SLC39A11: variants seen among roughly 807,000 people sequenced by gnomAD.
SLC39A11 encodes zinc transporter ZIP11.
Under a neutral mutation model 36.1 loss-of-function variants are expected in SLC39A11, and 33 were observed. That is an observed-to-expected ratio of 0.91 (90% confidence interval 0.69 to 1.22). The LOEUF (loss-of-function observed/expected upper bound fraction) is 1.22. Among genes scored for constraint, SLC39A11 ranks in the 50% most tolerant of loss-of-function variants. The pLI is 0.00. For synonymous variants in SLC39A11, 166 were observed against 170.3 expected, an observed-to-expected ratio of 0.97 and a Z score of 0.20; for missense variants, 432 against 430.3, an observed-to-expected ratio of 1.00 and a Z score of -0.03.
chr17:72,968,762 C>T (rs961144644), intron 4 of SLC39A11, among the ~76,000 whole-genome samples: 8 of 152,208 alleles, frequency 5.3e-5, no homozygotes, highest in Non-Finnish European at 1.0e-4. Flanking sequence ...AAGAGCAAGA[C>T]ACGATCCTTC....
chr17:72,935,433 T>C lies in SLC39A11; in HGVS notation c.430+12319A>G, dbSNP rs181766797. ...GGCCAAGAGGCTGCTCAAGGGAATA[T>C]GGGGAGGTGATGGAACTCTCCTATG... On this transcript the variant is annotated intron_variant, in intron 5 of 9. Coordinates refer to ENST00000255559, the MANE Select transcript of SLC39A11 (RefSeq NM_139177.4). Among the ~76,000 whole-genome samples, 275 of 152,280 alleles carry C rather than the reference T, an allele frequency of 1.8e-3. 1 individual carries two copies. The highest frequency in any genetic ancestry group is 3.4e-3 in the Middle Eastern group (1 of 294).
Position 73,084,831 on chromosome 17 carries a change from C to T in SLC39A11, c.124G>A (p.Gly42Arg), listed in dbSNP as rs774390731. 77 of 1,614,064 alleles carry T rather than the reference C, an allele frequency of 4.8e-5. No homozygotes were observed. Among genetic ancestry groups the T allele is most frequent in the Non-Finnish European group, 6.3e-5 (74 of 1,180,034 alleles). The change falls in exon 3 of 10, where the codon GGA becomes AGA. Residue 42 changes from glycine (G) to arginine (R), a missense_variant. By Grantham distance (125) the Gly-to-Arg change is moderately radical (BLOSUM62 -2). Coordinates refer to ENST00000255559, the MANE Select transcript of SLC39A11 (RefSeq NM_139177.4). ...ACCCCTGCAGCAAAGCCAAGACTTC[C>T]ATCTAAGATCCGCCTCTGAAAATCA... ...FSSGQRRILD[G>R]SLGFAAGVML...
intron 3 of SLC39A11, among the ~76,000 whole-genome samples, chr17:73,040,375 A>G (rs984568787): frequency 2.6e-5 from 4 of 152,226 alleles, no homozygotes; most frequent in African/African-American, 7.2e-5. Context: ...AATAAAAGGT[A>G]CGCCTCCCTC....
At chr17:72,918,305 A>T (rs1179446088) in intron 5 of SLC39A11, among the ~76,000 whole-genome samples, 1 of 152,216 alleles carries the variant, frequency 6.6e-6, no homozygotes. Context: ...ACTACTCAGG[A>T]GTCTGAGGCA....
chr17:72,741,138 C>A lies in SLC39A11; in HGVS notation c.602-4419G>T, dbSNP rs573422292. The stretch of plus-strand genomic sequence containing the variant: ...TCACTGCAACAGCAACAGGAGGTGG[C>A]TACAAAATTGTTACAGTAGTACAGT... On this transcript the variant is annotated intron_variant, in intron 6 of 9. Coordinates refer to ENST00000255559, the MANE Select transcript of SLC39A11 (RefSeq NM_139177.4). Among the ~76,000 whole-genome samples the A allele has an allele frequency of 2.6e-5, 4 of 152,150 alleles. No homozygotes were observed. In the East Asian group the frequency reaches 7.7e-4, roughly 29 times the overall value.
In SLC39A11 at chr17:72,849,758, G is replaced by A; in HGVS notation, c.477C>T (p.Ala159=). The change falls in exon 6 of 10, where the codon GCC becomes GCT. Residue 159 remains alanine, a synonymous_variant. Transcript: ENST00000255559. ...GEAYQRKKAA[A]TGLPEGPAVP... is the part of the protein sequence containing the mutation. ...CAGCAGGACCCTCTGGAAGGCCAGT[G>A]GCTGCCGCCTTCTTTCTCTGATATG... 6.2e-7 allele frequency: 1 copy of A among 1,604,424 alleles called. No individual in the cohort carries two copies. The highest frequency in any genetic ancestry group is 8.5e-7 in the Non-Finnish European group (1 of 1,176,958).
intron 7 of SLC39A11, among the ~76,000 whole-genome samples, chr17:72,698,052 G>A (rs532178795): frequency 9.2e-5 from 14 of 152,270 alleles, no homozygotes; most frequent in African/African-American, 3.4e-4. Flanking sequence ...AAGACTAAAC[G>A]CCTTGTTCTA....
intron 6 of SLC39A11, among the ~76,000 whole-genome samples, chr17:72,826,481 A>AT (rs2078033114): frequency 1.3e-5 from 2 of 152,290 alleles, no homozygotes; most frequent in South Asian, 2.1e-4. Context: ...TTAAAACCTG[A>AT]TTTTTTCTAA....
chr17:73,084,914 A>T lies in SLC39A11; in HGVS notation c.109-68T>A. 4 of 1,543,170 alleles carry T rather than the reference A, an allele frequency of 2.6e-6. No individual in the cohort carries two copies. The South Asian group carries it at 4.5e-5, about 17-fold the overall frequency. ...AGATGATGTTTCCTGGGACAAGAAG[A>T]AACCATAAGGCCCAAAAGAGCCACG... On this transcript the variant is annotated intron_variant, in intron 2 of 9. Coordinates refer to ENST00000255559, the MANE Select transcript of SLC39A11 (RefSeq NM_139177.4).
chr17:73,019,644 T>C (rs950823562), intron 4 of SLC39A11, among the ~76,000 whole-genome samples: 83 of 151,868 alleles, frequency 5.5e-4, no homozygotes, highest in African/African-American at 1.9e-3. Flanking sequence ...GTAAAGAAAC[T>C]AAAATGGAAT....
chr17:72,821,082 C>T (rs891452858), intron 6 of SLC39A11, among the ~76,000 whole-genome samples: 9 of 151,032 alleles, frequency 6.0e-5, no homozygotes, highest in East Asian at 1.9e-4. Context: ...TGTCCCAACT[C>T]GCAATAACTC....
intron 6 of SLC39A11, among the ~76,000 whole-genome samples, chr17:72,846,984 T>C (rs192132594): frequency 1.3e-5 from 2 of 152,290 alleles, no homozygotes; most frequent in Admixed American, 1.3e-4. Flanking sequence ...AATGACCTCT[T>C]TAAGATACGG....
rs1017151452 is a variant in SLC39A11, at chr17:73,086,886, C to T, written c.108+1771G>A. On this transcript the variant is annotated intron_variant, in intron 2 of 9. Transcript: ENST00000255559. ...TGGGGTTACCAGCGAAACCCCGTCT[C>T]TACTAAAACTACAAAAAAAATTAGC... Among the ~76,000 whole-genome samples, 16 of 151,876 alleles carry T rather than the reference C, an allele frequency of 1.1e-4. No individual in the cohort carries two copies. In the East Asian group the frequency reaches 2.9e-3, roughly 28 times the overall value.
intron 7 of SLC39A11, among the ~76,000 whole-genome samples, chr17:72,675,474 A>G (rs1405669127): frequency 6.6e-6 from 1 of 152,192 alleles, no homozygotes; most frequent in Non-Finnish European, 1.5e-5. Flanking sequence ...GGTAGCCCAA[A>G]TGGACTAAGA....
chr17:72,790,138 T>A (rs2076649356), intron 6 of SLC39A11, among the ~76,000 whole-genome samples: 2 of 152,228 alleles, frequency 1.3e-5, no homozygotes. Context: ...ATTATCCATT[T>A]ATTTTTGTCT....
chr17:73,015,465 C>T (rs899962275), intron 4 of SLC39A11, among the ~76,000 whole-genome samples: 2 of 152,232 alleles, frequency 1.3e-5, no homozygotes, highest in African/African-American at 4.8e-5. Flanking sequence ...TTAGCATATA[C>T]AGTTTATAAT....
chr17:72,865,760 T>A (rs1425737937), intron 5 of SLC39A11, among the ~76,000 whole-genome samples: 2 of 151,784 alleles, frequency 1.3e-5, no homozygotes, highest in East Asian at 1.9e-4. Flanking sequence ...AGCTCTTTTT[T>A]AAAACAATAT....
intron 6 of SLC39A11, among the ~76,000 whole-genome samples, chr17:72,834,919 G>A (rs1169197001): frequency 6.6e-6 from 1 of 152,238 alleles, no homozygotes; most frequent in Non-Finnish European, 1.5e-5. Context: ...AGGCCAGAAA[G>A]TAGGGCTCAG....
At chr17:73,026,801 G>A (rs1195890492) in intron 4 of SLC39A11, among the ~76,000 whole-genome samples, 2 of 151,934 alleles carry the variant, frequency 1.3e-5, no homozygotes, top group East Asian at 3.9e-4. Flanking sequence ...AACCCACCAG[G>A]AGAAAAATCA....
Sources: allele counts gnomAD v4.1 joint callset (sites outside exome capture counted in the v4.1 genomes callset), GRCh38; gene constraint gnomAD v4.1.1; transcripts MANE v1.5; gene names NCBI Gene and HGNC (gene_info 2026-07-23, HGNC 2026-07-21).